Variants in DPP6 observed in about 807,000 individuals in gnomAD.
DPP6 encodes the protein A-type potassium channel modulatory protein DPP6.
A neutral mutation model predicts 122.6 loss-of-function variants in DPP6; 69 were observed. The ratio of observed to expected loss-of-function variants is 0.56; its 90% CI spans 0.46 to 0.69. The LOEUF (loss-of-function observed/expected upper bound fraction) is 0.69, where lower values mean the gene tolerates loss of function less well. DPP6 is among the 30% of genes least tolerant of loss of function. DPP6 has a pLI of 0.00. For missense variants in DPP6, 928 were observed against 1,116.9 expected (o/e 0.83, Z 2.41); for synonymous variants, 418 against 433.1 (o/e 0.97, Z 0.43).
chr7:154,387,735 C>A (rs1563586493), intron 1 of DPP6, among the ~76,000 whole-genome samples: 1 of 152,214 alleles, frequency 6.6e-6, no homozygotes, highest in Non-Finnish European at 1.5e-5. Flanking sequence ...TTACTGTAGG[C>A]TTTGGGACAT....
At chr7:154,332,822 T>G (rs1442527144) in intron 1 of DPP6, among the ~76,000 whole-genome samples, 1 of 152,172 alleles carries the variant, frequency 6.6e-6, no homozygotes, top group South Asian at 2.1e-4. Flanking sequence ...TTTGGGAAGG[T>G]GCGTTTGGCC....
chr7:154,147,678 A>G (rs754181332), intron 1 of DPP6, among the ~76,000 whole-genome samples: 53 of 149,586 alleles, frequency 3.5e-4, no homozygotes, highest in East Asian at 1.0e-3. Flanking sequence ...GTGTGTGTGT[A>G]TATATGTATA....
intron 1 of DPP6, among the ~76,000 whole-genome samples, chr7:153,894,901 T>C (rs1799343527): frequency 6.6e-6 from 1 of 152,046 alleles, no homozygotes; most frequent in Admixed American, 6.6e-5. Context: ...AAATATGCAA[T>C]CAAGTCTTGT....
chr7:153,832,793 G>A, the DPP6 span, among the ~76,000 whole-genome samples: 1 of 150,986 alleles, frequency 6.6e-6, no homozygotes, highest in Non-Finnish European at 1.5e-5. Context: ...AAGATAATAT[G>A]TACTTTCAAG....
intron 1 of DPP6, among the ~76,000 whole-genome samples, chr7:154,032,703 A>G (rs1171853155): frequency 1.3e-5 from 2 of 152,202 alleles, no homozygotes; most frequent in African/African-American, 2.4e-5. Flanking sequence ...GACAAATGAA[A>G]TGCTGGCATC....
In DPP6 at chr7:153,890,855, C is replaced by CT. The variant is rs11367327; in HGVS notation, c.51+3135dup. 8.6e-4 allele frequency among the ~76,000 whole-genome samples: 108 copies of CT among 125,170 alleles called. 1 individual carries two copies. Among genetic ancestry groups the CT allele is most frequent in the Admixed American group, 2.8e-3 (35 of 12,374 alleles). 82.1% of individuals were successfully genotyped at this position (125,170 alleles called of 152,430 possible). On this transcript the variant is annotated intron_variant, in intron 1 of 25. Transcript: ENST00000404039. ...TACAGGCGTGCACCACCATGCCTGG[C>CT]TTTTTTTTTTTTTTGCATTTTTAGT...
intron 1 of DPP6, among the ~76,000 whole-genome samples, chr7:154,017,001 G>T (rs1353972923): frequency 6.6e-6 from 1 of 152,172 alleles, no homozygotes; most frequent in East Asian, 1.9e-4. Flanking sequence ...TTGGTTAGTG[G>T]GTACAAACGT....
intron 1 of DPP6, among the ~76,000 whole-genome samples, chr7:153,946,178 ATAGAG>A (rs1456823653): frequency 1.3e-5 from 2 of 152,234 alleles, no homozygotes. Context: ...GGGCAAGTCT[ATAGAG>A]TAAAGTGAAA....
rs191975235 is a variant in DPP6, at chr7:154,396,471, T to C, written c.244-49743T>C. On this transcript the variant is annotated intron_variant, in intron 1 of 25. Transcript: ENST00000377770. ...AATAAGTATAATGATCCTCTTTTCCTATAACTTCAGAGAGAGTAATTGTCC... is the reference window on the plus strand; with the variant it reads ...AATAAGTATAATGATCCTCTTTTCCCATAACTTCAGAGAGAGTAATTGTCC... Among the ~76,000 whole-genome samples, 13 of 152,300 alleles carry C rather than the reference T, an allele frequency of 8.5e-5. No individual in the cohort carries two copies. The East Asian group carries it at 2.1e-3, about 25-fold the overall frequency.
At chr7:153,919,981 C>A (rs893140450) in intron 1 of DPP6, among the ~76,000 whole-genome samples, 1 of 152,158 alleles carries the variant, frequency 6.6e-6, no homozygotes, top group Non-Finnish European at 1.5e-5. Context: ...AGTAATAGTA[C>A]CTGGAGGTAG....
At chr7:154,889,661 G>A in intron 25 of DPP6, 131 bp downstream of exon 25, 1 of 1,416,566 alleles carries the variant, frequency 7.1e-7, no homozygotes, top group Non-Finnish European at 9.4e-7. Flanking sequence ...TGATGAGCAA[G>A]GTCCCAGCAG....
At chr7:154,413,204 T>A (rs1816762761) in intron 1 of DPP6, among the ~76,000 whole-genome samples, 1 of 152,344 alleles carries the variant, frequency 6.6e-6, no homozygotes, top group Non-Finnish European at 1.5e-5. Context: ...CTATCTTAAA[T>A]TCTTTTCCAG....
intron 1 of DPP6, among the ~76,000 whole-genome samples, chr7:154,120,729 A>G (rs972410328): frequency 2.0e-5 from 3 of 152,246 alleles, no homozygotes; most frequent in Admixed American, 6.5e-5. Flanking sequence ...AACAGTACAC[A>G]TGAGGAACTC....
At chr7:154,794,850 A>G (rs1292886533) in intron 11 of DPP6, among the ~76,000 whole-genome samples, 2 of 340 alleles carry the variant, frequency 5.9e-3, no homozygotes, top group Non-Finnish European at 9.8e-3. Flanking sequence ...CGGGTTTTGT[A>G]GACATCAAAT....
chr7:154,880,419 G>A (rs1805292825), intron 20 of DPP6, among the ~76,000 whole-genome samples: 1 of 152,256 alleles, frequency 6.6e-6, no homozygotes, highest in South Asian at 2.1e-4. Context: ...ACAGAAGGCT[G>A]TGCAGGTGGG....
intron 1 of DPP6, among the ~76,000 whole-genome samples, chr7:154,192,484 G>T (rs1798661567): frequency 6.6e-6 from 1 of 152,218 alleles, no homozygotes. Flanking sequence ...TTAATAAGAA[G>T]GCCTCCACTG....
chr7:154,437,084 A>G (rs932717680), intron 1 of DPP6, among the ~76,000 whole-genome samples: 3 of 152,206 alleles, frequency 2.0e-5, no homozygotes, highest in Non-Finnish European at 2.9e-5. Flanking sequence ...TCCGTATCCC[A>G]TTCCCTGGTA....
chr7:154,270,152 A>C (rs1803693288), intron 1 of DPP6, among the ~76,000 whole-genome samples: 1 of 152,108 alleles, frequency 6.6e-6, no homozygotes, highest in Non-Finnish European at 1.5e-5. Context: ...TGGTTCTTCC[A>C]TTGTTAGTTT....
intron 12 of DPP6, among the ~76,000 whole-genome samples, chr7:154,799,157 A>G: frequency 6.6e-6 from 1 of 152,196 alleles, no homozygotes; most frequent in East Asian, 1.9e-4. Context: ...GTGCAAGAAC[A>G]GAGGTGAGTT....
Sources: allele counts gnomAD v4.1 joint callset (sites outside exome capture counted in the v4.1 genomes callset), GRCh38; gene constraint gnomAD v4.1.1; transcripts MANE v1.5; gene names NCBI Gene and HGNC (gene_info 2026-07-23, HGNC 2026-07-21).